PRMT8: variants seen among roughly 807,000 people sequenced by gnomAD.
PRMT8 encodes the protein protein arginine N-methyltransferase 8.
PRMT8 carries 7 observed loss-of-function variants against 47.1 expected under a neutral mutation model. The ratio of observed to expected loss-of-function variants is 0.15; its 90% CI spans 0.08 to 0.28. PRMT8 has a LOEUF of 0.28. PRMT8 is among the 10% of genes least tolerant of loss of function. The probability of loss-of-function intolerance (pLI) is 1.00; values close to 1 mark genes in which losing one functional copy is unlikely to be tolerated. For missense variants in PRMT8, 237 were observed against 505.4 expected, an observed-to-expected ratio of 0.47 and a Z score of 5.09; for synonymous variants, 188 against 186.5, an observed-to-expected ratio of 1.01 and a Z score of -0.07.
chr12:3,581,284 A>G (rs1449367224), intron 7 of PRMT8, among the ~76,000 whole-genome samples: 1 of 152,154 alleles, frequency 6.6e-6, no homozygotes, highest in Non-Finnish European at 1.5e-5. Flanking sequence ...TGCATTGGAG[A>G]AGAAAAGGTT....
At chr12:3,528,771 T>G (rs1157549862) in intron 1 of PRMT8, among the ~76,000 whole-genome samples, 1 of 152,212 alleles carries the variant, frequency 6.6e-6, no homozygotes, top group Non-Finnish European at 1.5e-5. Flanking sequence ...TTTAGATATT[T>G]TATGCTTCTA....
chr12:3,468,988 G>C (rs535741746), intron 1 of PRMT8: 7 of 267,666 alleles, frequency 2.6e-5, no homozygotes, highest in South Asian at 8.7e-5. Context: ...ATGCCAAAAA[G>C]GGCCATGGCC....
At position 3,416,716 on chromosome 12, in the gene PRMT8, G is replaced by A. The variant is rs570878613; in HGVS notation, c.48+35274G>A. 2.6e-4 allele frequency among the ~76,000 whole-genome samples: 39 copies of A among 152,330 alleles called. No individual in the cohort carries two copies. In the South Asian group the frequency reaches 7.9e-3, roughly 31 times the overall value. On this transcript the variant is annotated intron_variant, in intron 1 of 9. Transcript: ENST00000452611. ...CAGTTTCAGAAAGACTTAGGACCCT[G>A]AGTCAGGAGAGAGCAGATATTAGAA...
rs1208448097 is a variant in PRMT8, at chr12:3,452,207, ATGGGTACTGGGCTTAATACC to A, written c.48+70771_48+70790del. ...GGGAGAGGACCAGGAAAAATAACTA[ATGGGTACTGGGCTTAATACC>A]TGGGTGAGGAAATAAGTGTACAACA... is the stretch of plus-strand genomic sequence containing the variant. On this transcript the variant is annotated intron_variant, in intron 1 of 9. Transcript: ENST00000452611. Among the ~76,000 whole-genome samples, 234 of 152,192 alleles carry A rather than the reference ATGGGTACTGGGCTTAATACC, an allele frequency of 1.5e-3. 1 individual carries two copies. The highest frequency in any genetic ancestry group is 4.0e-3 in the Admixed American group (61 of 15,304).
intron 7 of PRMT8, among the ~76,000 whole-genome samples, chr12:3,577,468 G>A (rs546231636): frequency 6.7e-6 from 1 of 150,118 alleles, no homozygotes; most frequent in Non-Finnish European, 1.5e-5. Context: ...GAGCGTCCCT[G>A]TTCATGCTCT....
chr12:3,567,683 C>A (rs1018935932), intron 4 of PRMT8, among the ~76,000 whole-genome samples: 1 of 152,212 alleles, frequency 6.6e-6, no homozygotes, highest in African/African-American at 2.4e-5. Flanking sequence ...GCCAATCCCC[C>A]ACACAGTTGA....
intron 1 of PRMT8, among the ~76,000 whole-genome samples, chr12:3,433,944 A>C (rs1452023487): frequency 6.6e-6 from 1 of 152,214 alleles, no homozygotes; most frequent in Non-Finnish European, 1.5e-5. Context: ...TGCATGAAAA[A>C]GTGAGATGCA....
intron 1 of PRMT8, among the ~76,000 whole-genome samples, chr12:3,539,834 A>G (rs1385055591): frequency 6.6e-6 from 1 of 152,222 alleles, no homozygotes; most frequent in Non-Finnish European, 1.5e-5. Flanking sequence ...GGGTATCCAC[A>G]GTGCTGAATT....
chr12:3,391,491 G>A (rs1030528742), intron 1 of PRMT8, among the ~76,000 whole-genome samples: 9 of 152,180 alleles, frequency 5.9e-5, no homozygotes, highest in Non-Finnish European at 1.3e-4. Context: ...GCAGTGGGGA[G>A]GTCACTGGAG....
At position 3,566,609 on chromosome 12, in the gene PRMT8, C is replaced by T. The variant is rs1866725062; in HGVS notation, c.482-2097C>T. ...TATTAGAAGCTGCTAATGGACACTC[C>T]ATCACCTGCATTATTCACTGTGAAG... On this transcript the variant is annotated intron_variant, in intron 4 of 9. Transcript: ENST00000382622. The surrounding 1 kb of genome is among the most constrained non-coding windows in gnomAD (Gnocchi z 4.7). Among the ~76,000 whole-genome samples the T allele has an allele frequency of 6.6e-6, 1 of 152,210 alleles. No homozygotes were observed. Among genetic ancestry groups the T allele is most frequent in the African/African-American group, 2.4e-5 (1 of 41,442 alleles).
rs987560951 is a variant in PRMT8, at chr12:3,566,657, G to A, written c.482-2049G>A. 6.6e-6 allele frequency among the ~76,000 whole-genome samples: 1 copy of A among 152,152 alleles called. No individual in the cohort carries two copies. The highest frequency in any genetic ancestry group is 1.5e-5 in the Non-Finnish European group (1 of 68,026). ...AAGAAACTAAATAAAGCCAGCAAAC[G>A]GTGTGCTCTTTGCCATCCAGGAGCC... is the stretch of plus-strand genomic sequence containing the variant. On this transcript the variant is annotated intron_variant, in intron 4 of 9. Transcript: ENST00000382622. This position sits in a 1 kb window ranked among gnomAD's most constrained non-coding sequence, Gnocchi z 4.7.
In PRMT8 at chr12:3,554,014, A is replaced by G. The variant is rs370767161; in HGVS notation, c.481+300A>G. On this transcript the variant is annotated intron_variant, in intron 4 of 9. Transcript: ENST00000382622. ...TGTGGGCAACCTATTGCCTTCTGCA[A>G]AATGGCCACATTCCTCCTCCTCCTC... Among the ~76,000 whole-genome samples the G allele has an allele frequency of 7.9e-5, 12 of 152,264 alleles. 1 individual carries two copies. Among genetic ancestry groups the G allele is most frequent in the Admixed American group, 3.3e-4 (5 of 15,306 alleles).
intron 1 of PRMT8, among the ~76,000 whole-genome samples, chr12:3,413,392 T>A (rs1864451796): frequency 6.6e-6 from 1 of 152,176 alleles, no homozygotes; most frequent in Admixed American, 6.5e-5. Flanking sequence ...CTTTGATAAA[T>A]TACCCAGTCC....
chr12:3,447,379 CT>C (rs1397133543), intron 1 of PRMT8, among the ~76,000 whole-genome samples: 4 of 152,284 alleles, frequency 2.6e-5, no homozygotes, highest in African/African-American at 7.2e-5. Context: ...GCACTCCAGT[CT>C]GTTTTTTGTT....
At chr12:3,440,489 A>C (rs1163175750) in intron 1 of PRMT8, among the ~76,000 whole-genome samples, 1 of 151,764 alleles carries the variant, frequency 6.6e-6, no homozygotes, top group Non-Finnish European at 1.5e-5. Flanking sequence ...AAAACAAAAC[A>C]AAACCTATTT....
intron 4 of PRMT8, among the ~76,000 whole-genome samples, chr12:3,554,221 A>G (rs145615901): frequency 9.9e-5 from 15 of 152,152 alleles, no homozygotes; most frequent in South Asian, 2.1e-4. Flanking sequence ...CTGGAGTCTG[A>G]TTATAGAGAG....
rs114327674 is a variant in PRMT8, at chr12:3,519,012, A to G, written c.76-21594A>G. On this transcript the variant is annotated intron_variant, in intron 1 of 9. Transcript: ENST00000382622. ...GAAGAGAAAAAAAGTTTAGCTGCTG[A>G]CCCTGAAGGCAGGGGAGAGCCGGCC... Among the ~76,000 whole-genome samples, 1,127 of 152,288 alleles carry G rather than the reference A, an allele frequency of 7.4e-3. 10 individuals are homozygous for G. Among genetic ancestry groups the G allele is most frequent in the African/African-American group, 0.025 (1,041 of 41,566 alleles).
At chr12:3,525,157 G>A (rs1051194035) in intron 1 of PRMT8, among the ~76,000 whole-genome samples, 1 of 152,212 alleles carries the variant, frequency 6.6e-6, no homozygotes, top group African/African-American at 2.4e-5. Context: ...GGGAGGCAGA[G>A]ATTGCAGTGA....
At chr12:3,449,779 G>A (rs1233413771) in intron 1 of PRMT8, among the ~76,000 whole-genome samples, 1 of 152,152 alleles carries the variant, frequency 6.6e-6, no homozygotes, top group Non-Finnish European at 1.5e-5. Context: ...TGCTTTTGAC[G>A]TTTTTGTCAT....
Sources: allele counts gnomAD v4.1 joint callset (sites outside exome capture counted in the v4.1 genomes callset), GRCh38; gene constraint gnomAD v4.1.1; non-coding constraint Gnocchi (gnomAD v3.1); transcripts MANE v1.5; gene names NCBI Gene and HGNC (gene_info 2026-07-23, HGNC 2026-07-21).